Variants in SCHIP1 observed in about 807,000 individuals in gnomAD.
SCHIP1 encodes schwannomin interacting protein 1.
In SCHIP1, 8 loss-of-function variants were observed where a neutral mutation model predicts 29.7. The ratio of observed to expected loss-of-function variants is 0.27; its 90% CI spans 0.16 to 0.49. The LOEUF is 0.49. Among genes scored for constraint, SCHIP1 ranks in the 20% least tolerant of loss-of-function variants. SCHIP1 has a pLI of 0.99. For synonymous variants in SCHIP1, 76 were observed against 94.9 expected, an observed-to-expected ratio of 0.80 and a Z score of 1.16; for missense variants, 193 against 294.6, an observed-to-expected ratio of 0.66 and a Z score of 2.52.
the SCHIP1 span, among the ~76,000 whole-genome samples, chr3:159,740,368 C>T: frequency 1.3e-5 from 2 of 152,112 alleles, no homozygotes; most frequent in African/African-American, 4.8e-5. Flanking sequence ...TTGTTGTGTC[C>T]TGAGAGGAGA....
chr3:159,617,805 C>A, the SCHIP1 span, among the ~76,000 whole-genome samples: 1 of 152,140 alleles, frequency 6.6e-6, no homozygotes. Flanking sequence ...AATAAATTTT[C>A]TATGCATTTT....
chr3:159,572,648 C>T, the SCHIP1 span, among the ~76,000 whole-genome samples: 1 of 152,176 alleles, frequency 6.6e-6, no homozygotes, highest in African/African-American at 2.4e-5. Flanking sequence ...TGTTGCAGAG[C>T]TGAGTTCAAT....
chr3:159,277,459 T>C, the SCHIP1 span, among the ~76,000 whole-genome samples: 1 of 152,066 alleles, frequency 6.6e-6, no homozygotes. Flanking sequence ...CTTGGAAGAA[T>C]TTTTTCTGAT....
the SCHIP1 span, among the ~76,000 whole-genome samples, chr3:159,487,721 G>C: frequency 1.3e-5 from 2 of 152,126 alleles, no homozygotes; most frequent in African/African-American, 4.8e-5. Context: ...CCTAAGAAAA[G>C]TGTCTATTCT....
At chr3:159,511,102 G>T in the SCHIP1 span, among the ~76,000 whole-genome samples, 2 of 152,236 alleles carry the variant, frequency 1.3e-5, no homozygotes, top group Non-Finnish European at 1.5e-5. Flanking sequence ...TCCTTGAGCT[G>T]TGGTGGGCTC....
chr3:159,659,940 T>G, the SCHIP1 span, among the ~76,000 whole-genome samples: 1 of 152,160 alleles, frequency 6.6e-6, no homozygotes, highest in Non-Finnish European at 1.5e-5. Flanking sequence ...GGCGATCTCC[T>G]TGCATTTGGA....
the SCHIP1 span, among the ~76,000 whole-genome samples, chr3:159,706,904 A>G: frequency 5.9e-5 from 9 of 152,214 alleles, no homozygotes; most frequent in African/African-American, 2.2e-4. Context: ...TCATTTTATC[A>G]GTTAACAAAC....
the SCHIP1 span, among the ~76,000 whole-genome samples, chr3:159,405,791 G>C: frequency 2.0e-3 from 280 of 143,512 alleles, no homozygotes; most frequent in African/African-American, 6.7e-3. Flanking sequence ...GCTGAGCCAG[G>C]AGAATCACTT....
At chr3:159,299,775 C>T in the SCHIP1 span, among the ~76,000 whole-genome samples, 1 of 152,154 alleles carries the variant, frequency 6.6e-6, no homozygotes, top group Non-Finnish European at 1.5e-5. Context: ...CCACAAATGG[C>T]CATGGGCTTG....
the SCHIP1 span, among the ~76,000 whole-genome samples, chr3:159,298,134 A>T: frequency 5.6e-4 from 85 of 152,362 alleles, 1 homozygote; most frequent in Admixed American, 5.2e-3. Flanking sequence ...GAATGGATGA[A>T]CAAACACAGA....
the SCHIP1 span, among the ~76,000 whole-genome samples, chr3:159,757,321 T>C: frequency 6.6e-6 from 1 of 152,184 alleles, no homozygotes; most frequent in Non-Finnish European, 1.5e-5. Flanking sequence ...AAAGAGACCT[T>C]GTGCAGAGAA....
the SCHIP1 span, among the ~76,000 whole-genome samples, chr3:159,339,944 G>T: frequency 6.6e-6 from 1 of 152,048 alleles, no homozygotes; most frequent in African/African-American, 2.4e-5. Flanking sequence ...ATGATTTTGA[G>T]AAAGGTAGTA....
the SCHIP1 span, among the ~76,000 whole-genome samples, chr3:159,639,192 T>C: frequency 6.6e-6 from 1 of 152,152 alleles, no homozygotes; most frequent in African/African-American, 2.4e-5. Context: ...TCAGATCAAA[T>C]CATTATTGTT....
the SCHIP1 span, among the ~76,000 whole-genome samples, chr3:159,339,143 G>T: frequency 2.0e-5 from 3 of 151,866 alleles, no homozygotes; most frequent in South Asian, 4.2e-4. Flanking sequence ...TTTTGTGCAT[G>T]GCTATTCCAT....
chr3:159,344,182 A>G, the SCHIP1 span, among the ~76,000 whole-genome samples: 51 of 152,196 alleles, frequency 3.4e-4, no homozygotes, highest in Admixed American at 2.6e-3. Context: ...TTAGCCAGGC[A>G]TGATGGCGCA....
At chr3:159,498,775 A>T in the SCHIP1 span, among the ~76,000 whole-genome samples, 2 of 152,230 alleles carry the variant, frequency 1.3e-5, no homozygotes, top group Middle Eastern at 3.2e-3. Context: ...AGAATAACTA[A>T]GTAAATTATG....
chr3:159,694,907 A>G, the SCHIP1 span, among the ~76,000 whole-genome samples: 1 of 152,186 alleles, frequency 6.6e-6, no homozygotes, highest in South Asian at 2.1e-4. Context: ...CTATCATACC[A>G]GGTCCCAATG....
At chr3:159,622,881 G>A in the SCHIP1 span, among the ~76,000 whole-genome samples, 2 of 152,224 alleles carry the variant, frequency 1.3e-5, no homozygotes, top group African/African-American at 2.4e-5. Flanking sequence ...TTGTGCCACT[G>A]CACTCCAGCC....
At chr3:159,784,763 C>A in the SCHIP1 span, among the ~76,000 whole-genome samples, 1 of 152,228 alleles carries the variant, frequency 6.6e-6, no homozygotes, top group Non-Finnish European at 1.5e-5. Context: ...AAGCAATTCT[C>A]CTGCCCCAGC....
Sources: gnomAD v4.1 joint callset for allele counts (sites outside exome capture counted in the v4.1 genomes callset) on GRCh38, gnomAD v4.1.1 for gene constraint, MANE v1.5 for transcripts, NCBI Gene and HGNC (gene_info 2026-07-23, HGNC 2026-07-21) for gene names.